Variants in AGBL4 observed in about 807,000 individuals in gnomAD.
The protein encoded by AGBL4 is AGBL carboxypeptidase 4, also known as cytosolic carboxypeptidase 6.
A neutral mutation model predicts 66.4 loss-of-function variants in AGBL4; 58 were observed. The ratio of observed to expected loss-of-function variants is 0.87; its 90% CI spans 0.71 to 1.09. The LOEUF is 1.09. Among genes scored for constraint, AGBL4 ranks in the 50% least tolerant of loss-of-function variants. The probability of loss-of-function intolerance (pLI) is 0.00; values close to 1 mark genes in which losing one functional copy is unlikely to be tolerated. For synonymous variants in AGBL4, 234 were observed against 222.9 expected (o/e 1.05, Z -0.44); for missense variants, 579 against 631.0 (o/e 0.92, Z 0.88).
chr1:48,616,996 G>C (rs1229365980), intron 9 of AGBL4, among the ~76,000 whole-genome samples: 1 of 152,060 alleles, frequency 6.6e-6, no homozygotes, highest in African/African-American at 2.4e-5. Context: ...TACCCCCAAA[G>C]CACATCATAG....
chr1:48,535,587 G>A (rs1242674039), intron 12 of AGBL4, among the ~76,000 whole-genome samples: 2 of 152,076 alleles, frequency 1.3e-5, no homozygotes, highest in African/African-American at 4.8e-5. Context: ...TACTCTAAAC[G>A]TTCTGGCCTT....
intron 2 of AGBL4, among the ~76,000 whole-genome samples, chr1:49,785,668 A>G (rs568072366): frequency 3.9e-5 from 6 of 151,986 alleles, no homozygotes; most frequent in Non-Finnish European, 8.8e-5. Context: ...TTGAATTTCA[A>G]CTAACAACTG....
chr1:48,944,609 G>A (rs13375169), intron 5 of AGBL4, among the ~76,000 whole-genome samples: 3,328 of 152,172 alleles, frequency 0.022, 117 homozygotes, highest in African/African-American at 0.073. Flanking sequence ...TAACCCCAGC[G>A]TGCCCACGCC....
intron 1 of AGBL4, among the ~76,000 whole-genome samples, chr1:50,006,371 G>T (rs1035867825): frequency 8.6e-5 from 13 of 151,474 alleles, no homozygotes; most frequent in Admixed American, 1.3e-4. Flanking sequence ...GAGAGAGAGA[G>T]GAGTAGACAG....
chr1:49,640,657 A>G (rs1376205193), intron 3 of AGBL4, among the ~76,000 whole-genome samples: 1 of 152,140 alleles, frequency 6.6e-6, no homozygotes, highest in Non-Finnish European at 1.5e-5. Flanking sequence ...TCCTTCCAAG[A>G]ATTTACTCCA....
At chr1:49,395,679 C>A (rs1230338456) in intron 3 of AGBL4, among the ~76,000 whole-genome samples, 1 of 147,660 alleles carries the variant, frequency 6.8e-6, no homozygotes. Flanking sequence ...CTCACTCCCA[C>A]TGTCTGTGGA....
At chr1:48,762,463 T>G (rs1209697818) in intron 6 of AGBL4, among the ~76,000 whole-genome samples, 4 of 152,218 alleles carry the variant, frequency 2.6e-5, no homozygotes, top group Non-Finnish European at 5.9e-5. Context: ...TACTTTGTGT[T>G]CAGGGCTTAA....
intron 3 of AGBL4, among the ~76,000 whole-genome samples, chr1:49,693,974 C>T (rs147972255): frequency 7.2e-5 from 11 of 152,192 alleles, no homozygotes; most frequent in Non-Finnish European, 1.2e-4. Context: ...ACTACTTTTA[C>T]GGGTTAATAT....
At chr1:49,558,122 G>A (rs968061230) in intron 3 of AGBL4, among the ~76,000 whole-genome samples, 32 of 152,068 alleles carry the variant, frequency 2.1e-4, no homozygotes, top group Non-Finnish European at 3.4e-4. Context: ...ATAATCAGCA[G>A]TGATACTCAC....
At chr1:49,215,483 G>A (rs959346688) in intron 4 of AGBL4, among the ~76,000 whole-genome samples, 1 of 152,070 alleles carries the variant, frequency 6.6e-6, no homozygotes, top group Non-Finnish European at 1.5e-5. Flanking sequence ...TGGAGGTTAT[G>A]TAAACTGCCA....
intron 2 of AGBL4, among the ~76,000 whole-genome samples, chr1:49,823,139 G>T (rs1217154206): frequency 1.3e-5 from 2 of 152,168 alleles, no homozygotes; most frequent in East Asian, 1.9e-4. Flanking sequence ...ATATGACCAA[G>T]AAATAACTTT....
chr1:49,299,260 CT>C (rs1644700540), intron 3 of AGBL4, among the ~76,000 whole-genome samples: 1 of 152,134 alleles, frequency 6.6e-6, no homozygotes, highest in South Asian at 2.1e-4. Flanking sequence ...ATGGATCTTA[CT>C]TTCCCCCCTG....
chr1:49,872,407 G>C (rs1469408465), intron 1 of AGBL4, among the ~76,000 whole-genome samples: 2 of 151,964 alleles, frequency 1.3e-5, no homozygotes, highest in Non-Finnish European at 2.9e-5. Context: ...TTTTCAAATG[G>C]CATTAAGAAC....
intron 3 of AGBL4, among the ~76,000 whole-genome samples, chr1:49,265,030 A>T (rs1046532836): frequency 3.9e-5 from 6 of 151,998 alleles, no homozygotes; most frequent in Admixed American, 1.3e-4. Flanking sequence ...ATGTTTTAAA[A>T]TTTTTTGTTA....
chr1:49,249,380 A>C (rs1651875086), intron 3 of AGBL4, among the ~76,000 whole-genome samples: 1 of 152,148 alleles, frequency 6.6e-6, no homozygotes, highest in African/African-American at 2.4e-5. Context: ...ACTCAATAGC[A>C]AACAAAAAAA....
intron 4 of AGBL4, among the ~76,000 whole-genome samples, chr1:49,226,162 G>T (rs563954533): frequency 6.6e-6 from 1 of 152,264 alleles, no homozygotes; most frequent in African/African-American, 2.4e-5. Flanking sequence ...GCAGGCAAAA[G>T]CAATCTACTA....
At chr1:49,547,570 T>C (rs965303345) in intron 3 of AGBL4, among the ~76,000 whole-genome samples, 2 of 152,154 alleles carry the variant, frequency 1.3e-5, no homozygotes, top group Non-Finnish European at 2.9e-5. Context: ...GGGGATAGCG[T>C]TGAATTTGTA....
At chr1:49,690,166 T>C (rs1321013321) in intron 3 of AGBL4, among the ~76,000 whole-genome samples, 1 of 152,200 alleles carries the variant, frequency 6.6e-6, no homozygotes, top group Admixed American at 6.5e-5. Context: ...AATTAAGGTA[T>C]ACACATTGAT....
intron 3 of AGBL4, among the ~76,000 whole-genome samples, chr1:49,327,852 C>A (rs1242587932): frequency 6.6e-6 from 1 of 152,130 alleles, no homozygotes; most frequent in African/African-American, 2.4e-5. Context: ...AATTTCTCTG[C>A]CACTGATGGG....
Sources: allele counts gnomAD v4.1 joint callset (sites outside exome capture counted in the v4.1 genomes callset), GRCh38; gene constraint gnomAD v4.1.1; transcripts MANE v1.5; gene names NCBI Gene and HGNC (gene_info 2026-07-23, HGNC 2026-07-21).